The following KSR1 variants were observed in gnomAD, a reference collection of about 807,000 sequenced individuals.
The protein encoded by KSR1 is kinase suppressor of ras.
Under a neutral mutation model 92.9 loss-of-function variants are expected in KSR1, and 35 were observed. The ratio of observed to expected loss-of-function variants is 0.38; its 90% CI spans 0.29 to 0.50. KSR1 has a LOEUF of 0.50. KSR1 is among the 20% of genes least tolerant of loss of function. The pLI is 0.94. For synonymous variants in KSR1, 467 were observed against 472.6 expected, an observed-to-expected ratio of 0.99 and a Z score of 0.15; for missense variants, 972 against 1,158.5, an observed-to-expected ratio of 0.84 and a Z score of 2.34.
chr17:27,613,222 G>A (rs954437334), intron 18 of KSR1: 5 of 152,694 alleles, frequency 3.3e-5, no homozygotes, highest in African/African-American at 1.2e-4. Context: ...GCCTCCTTCT[G>A]GGCCAGGGCC....
intron 1 of KSR1, among the ~76,000 whole-genome samples, chr17:27,530,015 A>G (rs1181597114): frequency 6.6e-6 from 1 of 152,200 alleles, no homozygotes; most frequent in Admixed American, 6.5e-5. Context: ...ATACTCTTGA[A>G]TGGATGGATA....
At chr17:27,517,002 AAAAC>A (rs1313781585) in intron 1 of KSR1, among the ~76,000 whole-genome samples, 1 of 152,260 alleles carries the variant, frequency 6.6e-6, no homozygotes, top group Non-Finnish European at 1.5e-5. Flanking sequence ...GAAAGAAACA[AAAAC>A]AAAAGTATTT....
chr17:27,603,063 T>A (rs1392610336), intron 11 of KSR1, among the ~76,000 whole-genome samples: 1 of 152,004 alleles, frequency 6.6e-6, no homozygotes, highest in Non-Finnish European at 1.5e-5. Context: ...GAGCGGGGAG[T>A]GAGCCGTCCA....
intron 16 of KSR1, 35 bp downstream of exon 16, chr17:27,609,364 G>T: frequency 6.2e-7 from 1 of 1,611,518 alleles, no homozygotes; most frequent in Non-Finnish European, 8.5e-7. Context: ...TGGGTTGTGG[G>T]TGCTGGATGG....
In KSR1 at chr17:27,591,648, T is replaced by C. The variant is rs999825497; in HGVS notation, c.1131-713T>C. Among the ~76,000 whole-genome samples, 4 of 152,248 alleles carry C rather than the reference T, an allele frequency of 2.6e-5. No homozygotes were observed. The East Asian group carries it at 7.7e-4, about 29-fold the overall frequency. Reference sequence around the variant, plus strand: ...GGACCCATTACTTTCCCAGCGACTCTCCTGACCTCTAGGGAGTTGCTGAGT... The same window carrying C: ...GGACCCATTACTTTCCCAGCGACTCCCCTGACCTCTAGGGAGTTGCTGAGT... On this transcript the variant is annotated intron_variant, in intron 7 of 20. Coordinates refer to ENST00000644974, the MANE Select transcript of KSR1 (RefSeq NM_001394583.1).
intron 1 of KSR1, among the ~76,000 whole-genome samples, chr17:27,500,423 G>A (rs143105960): frequency 1.6e-4 from 24 of 152,148 alleles, no homozygotes; most frequent in African/African-American, 5.8e-4. Flanking sequence ...TTCAGCTGCT[G>A]TCATGCTCCA....
intron 1 of KSR1, among the ~76,000 whole-genome samples, chr17:27,532,681 AAG>A (rs1267954265): frequency 6.6e-6 from 1 of 152,128 alleles, no homozygotes; most frequent in East Asian, 1.9e-4. Context: ...TGTGCTAGGA[AAG>A]AGGTTGGAGC....
At position 27,526,453 on chromosome 17, in the gene KSR1, T is replaced by A. The variant is rs2070303003; in HGVS notation, c.232-24115T>A. The A allele has an allele frequency of 2.5e-6, 4 of 1,581,424 alleles. No individual in the cohort carries two copies. In the East Asian group the frequency reaches 6.7e-5, roughly 27 times the overall value. ...CCATTCCTTGGTAAAAGTTTGTAGTTTTTTTTCCCAATACATCTTCTCTTT... is the reference window on the plus strand; with the variant it reads ...CCATTCCTTGGTAAAAGTTTGTAGTATTTTTTCCCAATACATCTTCTCTTT... On this transcript the variant is annotated intron_variant, in intron 1 of 20. Transcript: ENST00000644974.
chr17:27,474,957 G>T (rs1370043938), intron 1 of KSR1, among the ~76,000 whole-genome samples: 1 of 152,192 alleles, frequency 6.6e-6, no homozygotes, highest in Non-Finnish European at 1.5e-5. Context: ...CTGTTAAGTG[G>T]TAAAAGTGCT....
chr17:27,514,756 G>A (rs776475845), intron 1 of KSR1, among the ~76,000 whole-genome samples: 11 of 152,028 alleles, frequency 7.2e-5, no homozygotes, highest in South Asian at 2.1e-4. Flanking sequence ...ACAGTCTTAC[G>A]GCTCCACGTT....
In KSR1 at chr17:27,623,856, T is replaced by G. The variant is rs1468543330; in HGVS notation, c.*464T>G. ...CCAGAAGGTCTGATCTGGCCTCTGC[T>G]TTTTGGCCCAAGACTCCATCAGGGA... is the stretch of plus-strand genomic sequence containing the variant. On this transcript the variant is annotated 3_prime_UTR_variant, in exon 21 of 21. Coordinates refer to ENST00000644974, the MANE Select transcript of KSR1 (RefSeq NM_001394583.1). The G allele has an allele frequency of 1.3e-5, 6 of 474,794 alleles. No individual in the cohort carries two copies. Among genetic ancestry groups the G allele is most frequent in the Non-Finnish European group, 2.2e-5 (6 of 274,684 alleles). The allele number at this position is 474,794 out of a possible 1,614,324, so 29.4% of individuals were successfully genotyped here.
At chr17:27,565,971 G>T (rs957256196) in intron 2 of KSR1, among the ~76,000 whole-genome samples, 1 of 152,030 alleles carries the variant, frequency 6.6e-6, no homozygotes, top group Non-Finnish European at 1.5e-5. Flanking sequence ...GTTGTCCCAT[G>T]AGCCATCCCA....
intron 1 of KSR1, among the ~76,000 whole-genome samples, chr17:27,543,833 C>A (rs1458939145): frequency 6.6e-6 from 1 of 152,190 alleles, no homozygotes; most frequent in Non-Finnish European, 1.5e-5. Context: ...GGGTACAGGT[C>A]TTGGCCGTCT....
chr17:27,526,444 GTT>G (rs1322653298), intron 1 of KSR1: 2 of 1,575,156 alleles, frequency 1.3e-6, no homozygotes, highest in African/African-American at 2.7e-5. Context: ...CTTGGTAAAA[GTT>G]TGTAGTTTTT....
At chr17:27,551,620 C>T (rs1476046619) in intron 2 of KSR1, among the ~76,000 whole-genome samples, 1 of 151,858 alleles carries the variant, frequency 6.6e-6, no homozygotes, top group African/African-American at 2.4e-5. Flanking sequence ...TCTGGACTGT[C>T]CTGTAAGGTA....
At chr17:27,608,975 A>C (rs750122172) in intron 15 of KSR1, among the ~76,000 whole-genome samples, 1 of 152,164 alleles carries the variant, frequency 6.6e-6, no homozygotes, top group Non-Finnish European at 1.5e-5. Context: ...AAGAGCATAG[A>C]CCGGTCTGGG....
intron 18 of KSR1, among the ~76,000 whole-genome samples, chr17:27,616,267 G>T (rs1417507186): frequency 6.6e-6 from 1 of 152,088 alleles, no homozygotes; most frequent in East Asian, 1.9e-4. Flanking sequence ...GACAGAATTT[G>T]GTTCTTCTTA....
In KSR1 at chr17:27,462,488, C is replaced by T. The variant is rs1403260490; in HGVS notation, c.231+5614C>T. ...CAGGGTTCGGGCATGGGTCTGCTTC[C>T]CTAATGTCCAGGCTAGCACATCCTC... is the stretch of plus-strand genomic sequence containing the variant. On this transcript the variant is annotated intron_variant, in intron 1 of 20. Transcript: ENST00000644974. 1.5e-4 allele frequency among the ~76,000 whole-genome samples: 23 copies of T among 152,260 alleles called. No homozygotes were observed. In the East Asian group the frequency reaches 4.4e-3, roughly 29 times the overall value.
At chr17:27,617,650 C>A (rs2074101693) in intron 19 of KSR1, 2 of 505,876 alleles carry the variant, frequency 4.0e-6, no homozygotes, top group African/African-American at 3.9e-5. Flanking sequence ...GCCTCAGCCT[C>A]CCGAGTAGCT....
Sources: allele counts gnomAD v4.1 joint callset (sites outside exome capture counted in the v4.1 genomes callset), GRCh38; gene constraint gnomAD v4.1.1; transcripts MANE v1.5; gene names NCBI Gene and HGNC (gene_info 2026-07-23, HGNC 2026-07-21).